The following FRG1 variants were observed in gnomAD, a reference collection of about 807,000 sequenced individuals.
FRG1 encodes the protein FSHD region gene 1, also known as protein FRG1.
A neutral mutation model predicts 37.0 loss-of-function variants in FRG1; 19 were observed. That is an observed-to-expected ratio of 0.51 (90% CI 0.36 to 0.75). The LOEUF (loss-of-function observed/expected upper bound fraction) is 0.75. Among genes scored for constraint, FRG1 ranks in the 30% least tolerant of loss-of-function variants. The pLI is 0.00. For synonymous variants in FRG1, 73 were observed against 96.5 expected (o/e 0.76, Z 1.43); for missense variants, 243 against 301.4 (o/e 0.81, Z 1.44).
chr4:189,941,853 A>G (rs1162864470), intron 1 of FRG1: 2 of 442,698 alleles, frequency 4.5e-6, no homozygotes, highest in African/African-American at 2.0e-5. Flanking sequence ...GGTACATACA[A>G]ATGTCGAGTA....
chr4:189,958,130 CTCTT>C (rs1033436603), intron 6 of FRG1, among the ~76,000 whole-genome samples: 66 of 148,528 alleles, frequency 4.4e-4, no homozygotes, highest in African/African-American at 1.5e-3. Context: ...TGCTTTTCCT[CTCTT>C]TCTCTCTCTC....
chr4:189,941,887 A>G (rs1736323218), intron 1 of FRG1: 1 of 440,542 alleles, frequency 2.3e-6, no homozygotes, highest in Non-Finnish European at 4.5e-6. Flanking sequence ...TCCGTGATAA[A>G]CAGAGGTTTT....
At chr4:189,946,311 C>T (rs1278524064) in intron 2 of FRG1, among the ~76,000 whole-genome samples, 1 of 105,652 alleles carries the variant, frequency 9.5e-6, no homozygotes, top group South Asian at 2.9e-4. Flanking sequence ...GCTGATAAGC[C>T]AAAAAAAAAA....
intron 8 of FRG1, 114 bp downstream of exon 8, chr4:189,962,046 A>C: frequency 1.5e-6 from 1 of 674,466 alleles, no homozygotes; most frequent in East Asian, 2.8e-5. Flanking sequence ...CTTTATTTCT[A>C]ATTTATGAGT....
chr4:189,942,717 A>T (rs989153961), intron 1 of FRG1, among the ~76,000 whole-genome samples: 15 of 152,130 alleles, frequency 9.9e-5, no homozygotes, highest in African/African-American at 3.6e-4. Flanking sequence ...TTGGGTATAC[A>T]TACTTAGGAG....
intron 5 of FRG1, among the ~76,000 whole-genome samples, chr4:189,955,650 GA>G (rs1313584844): frequency 6.6e-6 from 1 of 152,104 alleles, no homozygotes; most frequent in Admixed American, 6.5e-5. Context: ...AATATAAGAA[GA>G]AAAAAGATAA....
At chr4:189,959,694 C>A (rs1228506402) in intron 6 of FRG1, among the ~76,000 whole-genome samples, 2 of 152,190 alleles carry the variant, frequency 1.3e-5, no homozygotes, top group Admixed American at 1.3e-4. Context: ...TACAAAGATA[C>A]AAAGATACTT....
chr4:189,946,984 C>G (rs1210672393), intron 2 of FRG1, among the ~76,000 whole-genome samples: 2 of 152,158 alleles, frequency 1.3e-5, no homozygotes, highest in East Asian at 1.9e-4. Context: ...TCCGGAGTAA[C>G]TGGAATTACA....
intron 5 of FRG1, among the ~76,000 whole-genome samples, chr4:189,955,753 G>T (rs1336651268): frequency 6.6e-6 from 1 of 152,088 alleles, no homozygotes. Context: ...TCCTTTTTCT[G>T]TTTGTGTGAG....
chr4:189,954,426 A>G (rs1736892035), intron 4 of FRG1, among the ~76,000 whole-genome samples: 1 of 152,096 alleles, frequency 6.6e-6, no homozygotes, highest in Admixed American at 6.5e-5. Context: ...TTAGTAATTT[A>G]TTCTTGAACT....
intron 4 of FRG1, among the ~76,000 whole-genome samples, chr4:189,953,380 G>A (rs3775989): frequency 0.42 from 63,539 of 151,852 alleles, 15,370 homozygotes; most frequent in African/African-American, 0.68. Context: ...ATTAAAAAAT[G>A]AATCAAATAG....
chr4:189,955,372 A>G (rs898925614), intron 5 of FRG1, among the ~76,000 whole-genome samples: 34 of 152,354 alleles, frequency 2.2e-4, no homozygotes, highest in Middle Eastern at 3.4e-3. Flanking sequence ...GTATACCCTT[A>G]GTGCCTAGAT....
At chr4:189,953,202 T>C in intron 4 of FRG1, 77 bp downstream of exon 4, 1 of 1,479,762 alleles carries the variant, frequency 6.8e-7, no homozygotes, top group Non-Finnish European at 8.9e-7. Flanking sequence ...TTTTAGTATC[T>C]GTCTTAAGCC....
chr4:189,960,946 T>A, intron 7 of FRG1, 107 bp downstream of exon 7: 1 of 1,262,870 alleles, frequency 7.9e-7, no homozygotes, highest in Non-Finnish European at 1.1e-6. Context: ...TACATGCCTA[T>A]AGGCCCAGCT....
intron 4 of FRG1, among the ~76,000 whole-genome samples, chr4:189,953,701 A>G (rs1736859525): frequency 6.6e-6 from 1 of 152,048 alleles, no homozygotes; most frequent in Admixed American, 6.5e-5. Context: ...TAATGTATAA[A>G]GGAGTAAAAG....
chr4:189,960,292 A>G (rs1032845974), intron 6 of FRG1, among the ~76,000 whole-genome samples: 4 of 152,250 alleles, frequency 2.6e-5, no homozygotes, highest in African/African-American at 7.2e-5. Context: ...GTGGGTTCCA[A>G]TTAGTTAAAA....
intron 2 of FRG1, among the ~76,000 whole-genome samples, chr4:189,944,582 C>T (rs1736449724): frequency 6.6e-6 from 1 of 151,648 alleles, no homozygotes; most frequent in Non-Finnish European, 1.5e-5. Flanking sequence ...TAAATTTTGG[C>T]ATGATGTTGT....
chr4:189,945,478 G>T (rs76183097), intron 2 of FRG1, among the ~76,000 whole-genome samples: 1 of 152,188 alleles, frequency 6.6e-6, no homozygotes, highest in Non-Finnish European at 1.5e-5. Flanking sequence ...AATGCTGTCA[G>T]ATGCCTCTTT....
At chr4:189,945,232 T>TC (rs1487650688) in intron 2 of FRG1, among the ~76,000 whole-genome samples, 1 of 152,226 alleles carries the variant, frequency 6.6e-6, no homozygotes, top group African/African-American at 2.4e-5. Context: ...TTCTTTCTAA[T>TC]CCTTTTGTCT....
Sources: gnomAD v4.1 joint callset for allele counts (sites outside exome capture counted in the v4.1 genomes callset) on GRCh38, gnomAD v4.1.1 for gene constraint, MANE v1.5 for transcripts, NCBI Gene and HGNC (gene_info 2026-07-23, HGNC 2026-07-21) for gene names.